The following FNDC3B variants were observed in gnomAD, a reference collection of about 807,000 sequenced individuals.
FNDC3B encodes fibronectin type III domain containing 3B.
A neutral mutation model predicts 151.5 loss-of-function variants in FNDC3B; 12 were observed. That is an observed-to-expected ratio of 0.08 (90% CI 0.05 to 0.13). The LOEUF is 0.13. Ranked by LOEUF, FNDC3B falls within the 10% of genes least tolerant of loss-of-function variation. The pLI is 1.00. For missense variants in FNDC3B, 1,214 were observed against 1,505.3 expected (o/e 0.81, Z 3.20); for synonymous variants, 528 against 549.0 (o/e 0.96, Z 0.54).
intron 12 of FNDC3B, 34 bp from the exon 13 acceptor site, chr3:172,330,507 T>A: frequency 6.3e-7 from 1 of 1,585,584 alleles, no homozygotes; most frequent in African/African-American, 1.3e-5. Context: ...CTTCACATGC[T>A]TCTAACTGTG....
chr3:172,055,410 CT>C (rs1716864321), intron 1 of FNDC3B, among the ~76,000 whole-genome samples: 1 of 152,048 alleles, frequency 6.6e-6, no homozygotes, highest in African/African-American at 2.4e-5. Context: ...GAAAACATAG[CT>C]TTTTAGCTTT....
intron 9 of FNDC3B, among the ~76,000 whole-genome samples, chr3:172,306,653 T>C (rs888087380): frequency 6.6e-6 from 1 of 152,230 alleles, no homozygotes; most frequent in Non-Finnish European, 1.5e-5. Context: ...ATTAATAGTA[T>C]GTTCTATGCT....
rs1344810209 is a variant in FNDC3B, at chr3:172,097,342, A to G, written c.-28-15110A>G. Among the ~76,000 whole-genome samples the G allele has an allele frequency of 2.0e-5, 3 of 152,366 alleles. No individual in the cohort carries two copies. The East Asian group carries it at 5.8e-4, about 29-fold the overall frequency. ...GTTACCAAATCTATTACTTAACCAC[A>G]GATGTTCTTCCATTGTTGTGTCCCA... is the stretch of plus-strand genomic sequence containing the variant. On this transcript the variant is annotated intron_variant, in intron 1 of 25. Coordinates refer to ENST00000415807, the MANE Select transcript of FNDC3B (RefSeq NM_022763.4).
At chr3:172,089,536 T>C (rs1718706979) in intron 1 of FNDC3B, among the ~76,000 whole-genome samples, 1 of 152,292 alleles carries the variant, frequency 6.6e-6, no homozygotes, top group South Asian at 2.1e-4. Context: ...AAATCGAATG[T>C]AGGGTGTATT....
intron 7 of FNDC3B, among the ~76,000 whole-genome samples, chr3:172,287,861 T>C (rs1730109959): frequency 6.6e-6 from 1 of 152,228 alleles, no homozygotes; most frequent in Admixed American, 6.5e-5. Context: ...ATAGGCTTTT[T>C]GTAAGTAGCT....
chr3:172,204,854 G>A lies in FNDC3B; in HGVS notation c.188-22017G>A, dbSNP rs114737399. Among the ~76,000 whole-genome samples, 614 of 152,244 alleles carry A rather than the reference G, an allele frequency of 4.0e-3. 2 individuals carry two copies. The highest frequency in any genetic ancestry group is 0.014 in the African/African-American group (581 of 41,528). On this transcript the variant is annotated intron_variant, in intron 3 of 25. Transcript: ENST00000415807. ...AAATTTCAGAAACCTTGGTTGAGTG[G>A]GTGGAAAAACAACATTGCTGATAAT...
chr3:172,063,194 T>C (rs1013722315), intron 1 of FNDC3B, among the ~76,000 whole-genome samples: 2 of 152,222 alleles, frequency 1.3e-5, no homozygotes. Flanking sequence ...TAAAATAAGA[T>C]AGCATTTTTG....
chr3:172,216,551 C>CCAGCTACT (rs1399496426), intron 3 of FNDC3B, among the ~76,000 whole-genome samples: 105 of 152,172 alleles, frequency 6.9e-4, no homozygotes, highest in African/African-American at 2.5e-3. Context: ...GCCTGTAGTC[C>CCAGCTACT]CAGCTACTCA....
At chr3:172,353,962 G>GGAA (rs1553795377) in intron 22 of FNDC3B, among the ~76,000 whole-genome samples, 226 of 148,694 alleles carry the variant, frequency 1.5e-3, no homozygotes, top group African/African-American at 5.4e-3. Context: ...TGATCTTGGG[G>GGAA]AAAAAAAAAA....
At chr3:172,367,647 T>C (rs754002067) in intron 23 of FNDC3B, among the ~76,000 whole-genome samples, 1 of 152,226 alleles carries the variant, frequency 6.6e-6, no homozygotes, top group Non-Finnish European at 1.5e-5. Flanking sequence ...CGTTTATCTG[T>C]GTTAAATGAA....
intron 11 of FNDC3B, among the ~76,000 whole-genome samples, chr3:172,312,434 T>C (rs1731551567): frequency 6.6e-6 from 1 of 152,224 alleles, no homozygotes; most frequent in South Asian, 2.1e-4. Context: ...TCAGGAATGT[T>C]GGAAAGAAAC....
intron 24 of FNDC3B, 129 bp from the exon 25 acceptor site, chr3:172,380,837 C>T (rs1735399211): frequency 9.9e-7 from 1 of 1,008,368 alleles, no homozygotes; most frequent in East Asian, 2.6e-5. Flanking sequence ...CTGGGCAAAT[C>T]AGCTCCTCTC....
intron 3 of FNDC3B, among the ~76,000 whole-genome samples, chr3:172,154,000 T>G (rs753464353): frequency 6.6e-6 from 1 of 152,136 alleles, no homozygotes; most frequent in Non-Finnish European, 1.5e-5. Flanking sequence ...CAGGAGCAAA[T>G]CCTGTGGCCT....
At chr3:172,353,196 C>T in intron 22 of FNDC3B, 113 bp downstream of exon 22, 1 of 995,222 alleles carries the variant, frequency 1.0e-6, no homozygotes, top group Admixed American at 2.4e-5. Flanking sequence ...TTCTAAGAGC[C>T]CAGATGTCCA....
intron 2 of FNDC3B, among the ~76,000 whole-genome samples, chr3:172,128,288 T>C (rs2108565562): frequency 1.3e-5 from 2 of 152,326 alleles, no homozygotes; most frequent in Middle Eastern, 6.8e-3. Context: ...CCAGGATCTT[T>C]CTAGTTTACT....
intron 3 of FNDC3B, among the ~76,000 whole-genome samples, chr3:172,160,633 T>C (rs1362806526): frequency 6.6e-6 from 1 of 152,248 alleles, no homozygotes; most frequent in African/African-American, 2.4e-5. Context: ...GGGGCCATGA[T>C]CCAATAGTGG....
intron 23 of FNDC3B, among the ~76,000 whole-genome samples, chr3:172,374,688 C>G (rs747426208): frequency 6.6e-6 from 1 of 152,166 alleles, no homozygotes. Flanking sequence ...CCACTGTGCC[C>G]GGCCAGCAGT....
intron 23 of FNDC3B, among the ~76,000 whole-genome samples, chr3:172,371,799 C>T (rs568901714): frequency 6.6e-6 from 1 of 152,306 alleles, no homozygotes; most frequent in South Asian, 2.1e-4. Flanking sequence ...TTCTCTCCAA[C>T]TCAAGAAAAC....
chr3:172,132,866 TA>T (rs1721173345), intron 2 of FNDC3B, among the ~76,000 whole-genome samples: 2 of 152,246 alleles, frequency 1.3e-5, no homozygotes, highest in South Asian at 4.1e-4. Context: ...GGAAGTTGTC[TA>T]ATATTAAATA....
Sources: allele counts gnomAD v4.1 joint callset (sites outside exome capture counted in the v4.1 genomes callset), GRCh38; gene constraint gnomAD v4.1.1; transcripts MANE v1.5; gene names NCBI Gene and HGNC (gene_info 2026-07-23, HGNC 2026-07-21).